Variants in STX18 observed in about 807,000 individuals in gnomAD.
STX18 encodes syntaxin 18.
STX18 carries 40 observed loss-of-function variants against 50.1 expected under a neutral mutation model. That is an observed-to-expected ratio of 0.80 (90% CI 0.62 to 1.04). STX18 has a LOEUF of 1.04. Ranked by LOEUF, STX18 falls within the 50% of genes least tolerant of loss-of-function variation. STX18 has a pLI of 0.00. For missense variants in STX18, 410 were observed against 415.8 expected (o/e 0.99, Z 0.12); for synonymous variants, 158 against 151.8 (o/e 1.04, Z -0.30).
chr4:4,493,403 A>C (rs1000100273), intron 1 of STX18, among the ~76,000 whole-genome samples: 11 of 152,144 alleles, frequency 7.2e-5, no homozygotes, highest in Non-Finnish European at 1.5e-4. Flanking sequence ...AAGAGACAGA[A>C]AGTGATTAGG....
chr4:4,496,100 T>A (rs1560193561), intron 1 of STX18, among the ~76,000 whole-genome samples: 1 of 152,210 alleles, frequency 6.6e-6, no homozygotes, highest in Non-Finnish European at 1.5e-5. Flanking sequence ...ATTCTTTACA[T>A]TTCCAAGAGA....
chr4:4,459,322 C>T (rs1727254353), intron 3 of STX18, 50 bp downstream of exon 3: 1 of 1,359,146 alleles, frequency 7.4e-7, no homozygotes, highest in South Asian at 1.2e-5. Flanking sequence ...TCTTGTTTAA[C>T]TACTTGCTAT....
intron 1 of STX18, among the ~76,000 whole-genome samples, chr4:4,530,661 A>T (rs1257168500): frequency 6.6e-6 from 1 of 152,204 alleles, no homozygotes; most frequent in African/African-American, 2.4e-5. Flanking sequence ...GCTGGAGTGC[A>T]ATAGCACAAT....
intron 8 of STX18, among the ~76,000 whole-genome samples, chr4:4,424,794 G>C (rs974808875): frequency 1.3e-5 from 2 of 152,218 alleles, no homozygotes; most frequent in African/African-American, 4.8e-5. Context: ...TTGCAGAAGA[G>C]GGCTTCCCTT....
intron 7 of STX18, among the ~76,000 whole-genome samples, chr4:4,433,917 G>A (rs1725647284): frequency 6.6e-6 from 1 of 152,152 alleles, no homozygotes; most frequent in Admixed American, 6.5e-5. Context: ...ATTAACTAGG[G>A]GACTCTGGGC....
intron 1 of STX18, among the ~76,000 whole-genome samples, chr4:4,504,454 TAC>T (rs1729601975): frequency 6.6e-6 from 1 of 152,212 alleles, no homozygotes; most frequent in Admixed American, 6.5e-5. Flanking sequence ...GATACAGGAG[TAC>T]ACAGACAATA....
At chr4:4,448,374 C>A (rs571381727) in intron 5 of STX18, among the ~76,000 whole-genome samples, 2 of 151,624 alleles carry the variant, frequency 1.3e-5, no homozygotes, top group Admixed American at 6.6e-5. Flanking sequence ...CAGAGTCTCA[C>A]TCCATCACCC....
intron 1 of STX18, among the ~76,000 whole-genome samples, chr4:4,520,696 C>T (rs923318482): frequency 2.6e-5 from 4 of 152,038 alleles, no homozygotes; most frequent in African/African-American, 9.7e-5. Context: ...ATACTTAAGG[C>T]CCCAAACCAA....
chr4:4,517,453 A>C (rs1202647558), intron 1 of STX18, among the ~76,000 whole-genome samples: 1 of 152,258 alleles, frequency 6.6e-6, no homozygotes, highest in Admixed American at 6.5e-5. Context: ...GGGAATTTAC[A>C]GTCACATAAT....
chr4:4,513,870 A>G (rs1730119240), intron 1 of STX18, among the ~76,000 whole-genome samples: 1 of 152,208 alleles, frequency 6.6e-6, no homozygotes, highest in African/African-American at 2.4e-5. Flanking sequence ...CTGATGTTCC[A>G]TCACTGCTTT....
chr4:4,457,101 A>G (rs2108815465), intron 5 of STX18, 90 bp downstream of exon 5: 2 of 1,242,128 alleles, frequency 1.6e-6, no homozygotes, highest in Non-Finnish European at 2.3e-6. Flanking sequence ...AACACGGTAC[A>G]TTGCATAGGG....
In STX18 at chr4:4,425,192, C is replaced by T; in HGVS notation, c.733G>A (p.Glu245Lys). ...ACTTCATCAAACAAGCTGTTCATTT[C>T]ACCAATTAGTCGCTGATTTTCCTGT... is the stretch of plus-strand genomic sequence containing the variant. ...FEQENQRLIG[E>K]MNSLFDEVRQ... Residue 245 changes from glutamate (E) to lysine (K), a missense_variant, in exon 8 of 11, where the codon GAA (glutamate) becomes AAA (lysine). By Grantham distance (56) the Glu-to-Lys change is moderately conservative. Coordinates refer to ENST00000306200, the MANE Select transcript of STX18 (RefSeq NM_016930.4). 6.2e-7 allele frequency: 1 copy of T among 1,614,212 alleles called. No individual in the cohort carries two copies. The highest frequency in any genetic ancestry group is 8.5e-7 in the Non-Finnish European group (1 of 1,180,016).
chr4:4,519,068 A>G (rs1003551814), intron 1 of STX18, among the ~76,000 whole-genome samples: 7 of 152,220 alleles, frequency 4.6e-5, no homozygotes, highest in African/African-American at 1.7e-4. Flanking sequence ...TTTCTAGGAC[A>G]GAGACAATAA....
At chr4:4,493,287 C>A (rs1258783101) in intron 1 of STX18, among the ~76,000 whole-genome samples, 1 of 151,698 alleles carries the variant, frequency 6.6e-6, no homozygotes. Flanking sequence ...TCCCAACCCC[C>A]CCGCCCCCTC....
rs77132167 is a variant in STX18 at position 4,486,663 on chromosome 4, T to G, written c.169-14957A>C. 2.6e-4 allele frequency among the ~76,000 whole-genome samples: 40 copies of G among 152,318 alleles called. No homozygotes were observed. In the East Asian group the frequency reaches 6.9e-3, roughly 26 times the overall value. The stretch of plus-strand genomic sequence containing the variant: ...TCATTAGGAAGTGTCGGAGCTGTAT[T>G]TGAAATTAGGTCTACTCCATAGCCT... On this transcript the variant is annotated intron_variant, in intron 1 of 10. Coordinates refer to ENST00000306200, the MANE Select transcript of STX18 (RefSeq NM_016930.4).
At position 4,475,471 on chromosome 4, in the gene STX18, CAA is replaced by C. The variant is rs11296481; in HGVS notation, c.169-3767_169-3766del. Among the ~76,000 whole-genome samples, 820 of 144,560 alleles carry C rather than the reference CAA, an allele frequency of 5.7e-3. 5 individuals carry two copies. The highest frequency in any genetic ancestry group is 0.019 in the African/African-American group (782 of 40,524). The allele number at this position is 144,560 out of a possible 152,430, so 94.8% of individuals were successfully genotyped here. On this transcript the variant is annotated intron_variant, in intron 1 of 10. Transcript: ENST00000306200. The stretch of plus-strand genomic sequence containing the variant: ...TTCTATTAATTTCTTTAAAAAAAAA[CAA>C]AAAAAAAAACATGACAAATCAACAA...
rs746342775 is a variant in STX18 at position 4,419,646 on chromosome 4, C to G, written c.*388G>C. On this transcript the variant is annotated 3_prime_UTR_variant, in exon 11 of 11. Coordinates refer to ENST00000306200, the MANE Select transcript of STX18 (RefSeq NM_016930.4). ...TAACTATGATCTTCCCTGAAGCTAC[C>G]GGGATGGGAAAGGTCAGTGTCTTCC... 5.9e-6 allele frequency: 1 copy of G among 169,128 alleles called. No individual in the cohort carries two copies. Among genetic ancestry groups the G allele is most frequent in the Non-Finnish European group, 1.3e-5 (1 of 79,146 alleles). The allele number at this position is 169,128 out of a possible 1,614,324, so 10.5% of individuals were successfully genotyped here.
chr4:4,520,065 C>A (rs1199099858), intron 1 of STX18, among the ~76,000 whole-genome samples: 1 of 152,132 alleles, frequency 6.6e-6, no homozygotes, highest in Non-Finnish European at 1.5e-5. Context: ...TTGCAACATT[C>A]CTTCACAGTA....
At chr4:4,451,148 T>A (rs1459603353) in intron 5 of STX18, among the ~76,000 whole-genome samples, 1 of 152,218 alleles carries the variant, frequency 6.6e-6, no homozygotes, top group East Asian at 1.9e-4. Context: ...TAAACTGATT[T>A]CTCTGACTGA....
Sources: allele counts gnomAD v4.1 joint callset (sites outside exome capture counted in the v4.1 genomes callset), GRCh38; gene constraint gnomAD v4.1.1; transcripts MANE v1.5; gene names NCBI Gene and HGNC (gene_info 2026-07-23, HGNC 2026-07-21).